Variants in CCDC93 observed in about 807,000 individuals in gnomAD.
CCDC93 encodes the protein coiled-coil domain-containing protein 93.
Under a neutral mutation model 108.2 loss-of-function variants are expected in CCDC93, and 61 were observed. The ratio of observed to expected loss-of-function variants is 0.56; its 90% CI spans 0.46 to 0.70. The LOEUF (loss-of-function observed/expected upper bound fraction) is 0.70, where lower values mean the gene tolerates loss of function less well. CCDC93 is among the 30% of genes least tolerant of loss of function. CCDC93 has a pLI of 0.00. For synonymous variants in CCDC93, 276 were observed against 260.4 expected (o/e 1.06, Z -0.58); for missense variants, 685 against 764.2 (o/e 0.90, Z 1.22).
chr2:118,013,499 G>C (rs932691853), intron 1 of CCDC93, among the ~76,000 whole-genome samples: 17 of 152,260 alleles, frequency 1.1e-4, no homozygotes, highest in African/African-American at 4.1e-4. Context: ...GGGACTCTGC[G>C]GGGTGGCGGT....
intron 5 of CCDC93, 55 bp from the exon 6 acceptor site, chr2:117,995,557 G>A (rs918293154): frequency 2.4e-6 from 3 of 1,261,450 alleles, no homozygotes; most frequent in Middle Eastern, 1.8e-4. Context: ...TAAAACTCAA[G>A]TGGACCACTC....
At chr2:117,995,409 C>A in intron 6 of CCDC93, 37 bp downstream of exon 6, 5 of 1,513,376 alleles carry the variant, frequency 3.3e-6, no homozygotes, top group Non-Finnish European at 4.6e-6. Flanking sequence ...TGAGGCTACG[C>A]AGGACTCTGA....
intron 6 of CCDC93, 98 bp downstream of exon 6, chr2:117,995,348 G>A (rs937532468): frequency 3.6e-5 from 34 of 951,148 alleles, no homozygotes; most frequent in Middle Eastern, 2.2e-4. Context: ...AGCGATCCCC[G>A]TAGATGGAAG....
chr2:117,935,873 A>G (rs1356362515), intron 21 of CCDC93: 1 of 262,918 alleles, frequency 3.8e-6, no homozygotes, highest in Non-Finnish European at 7.1e-6. Context: ...ATGTGACTAA[A>G]ATTAACAAAA....
intron 20 of CCDC93, 78 bp from the exon 21 acceptor site, chr2:117,936,817 C>G (rs2303333): frequency 0.34 from 378,170 of 1,103,098 alleles, 67,800 homozygotes; most frequent in African/African-American, 0.49. Context: ...TGCAAGCTTG[C>G]CTGTCTCCAC....
intron 23 of CCDC93, among the ~76,000 whole-genome samples, chr2:117,922,246 C>T (rs573213464): frequency 4.9e-4 from 74 of 152,222 alleles, no homozygotes; most frequent in African/African-American, 1.6e-3. Context: ...TTGTACTTTT[C>T]GGTAGAGACA....
intron 10 of CCDC93, among the ~76,000 whole-genome samples, chr2:117,974,450 A>G (rs1292957996): frequency 1.3e-5 from 2 of 152,200 alleles, no homozygotes; most frequent in Admixed American, 6.5e-5. Context: ...CACATTGGCT[A>G]TACCTTCTGG....
intron 22 of CCDC93, 137 bp downstream of exon 22, chr2:117,935,358 G>A: frequency 1.5e-6 from 1 of 649,368 alleles, no homozygotes; most frequent in Non-Finnish European, 2.7e-6. Flanking sequence ...CGCATGGTGG[G>A]AATACCTCTG....
At chr2:117,986,778 T>G (rs1416606478) in intron 6 of CCDC93, among the ~76,000 whole-genome samples, 1 of 152,194 alleles carries the variant, frequency 6.6e-6, no homozygotes. Context: ...GAGATGATGC[T>G]AAAGGTTGTT....
In CCDC93 at chr2:117,958,477, G is replaced by C. The variant is rs777649677; in HGVS notation, c.893C>G (p.Ser298Cys). The C allele has an allele frequency of 2.5e-6, 4 of 1,576,280 alleles. No individual in the cohort carries two copies. The highest frequency in any genetic ancestry group is 3.5e-6 in the Non-Finnish European group (4 of 1,145,604). Reference sequence around the variant, plus strand: ...TGGACTTTCTTCAGCTGATAGCTCAGACTGCTGTGGAAAAAAGGGATGGCA... The same window carrying C: ...TGGACTTTCTTCAGCTGATAGCTCACACTGCTGTGGAAAAAAGGGATGGCA... The part of the protein sequence containing the change: ...QIVSEYAEKQ[S>C]ELSAEESPEK... The change falls in exon 12 of 24, where the codon TCT becomes TGT. Residue 298 changes from serine (S) to cysteine (C), a missense_variant. Ser to Cys is a moderately radical substitution (Grantham distance 112). Coordinates refer to ENST00000376300, the MANE Select transcript of CCDC93 (RefSeq NM_019044.5).
chr2:117,963,429 T>C (rs1051520941), intron 11 of CCDC93, among the ~76,000 whole-genome samples: 1 of 152,204 alleles, frequency 6.6e-6, no homozygotes, highest in African/African-American at 2.4e-5. Flanking sequence ...AGTTTGTAAG[T>C]GAACTTCTAA....
chr2:117,955,329 C>G (rs1236702722), intron 12 of CCDC93, among the ~76,000 whole-genome samples: 1 of 152,058 alleles, frequency 6.6e-6, no homozygotes, highest in African/African-American at 2.4e-5. Context: ...GGATGCATCT[C>G]AGATGCCTTC....
At chr2:117,967,787 G>A (rs1017103232) in intron 11 of CCDC93, among the ~76,000 whole-genome samples, 7 of 152,116 alleles carry the variant, frequency 4.6e-5, no homozygotes, top group African/African-American at 1.7e-4. Context: ...GGCCCTTAGC[G>A]AGACTCTCAG....
chr2:118,005,253 A>C (rs1293866050), intron 3 of CCDC93, among the ~76,000 whole-genome samples: 1 of 152,212 alleles, frequency 6.6e-6, no homozygotes, highest in East Asian at 1.9e-4. Flanking sequence ...AAATGAAAAC[A>C]GGGCCTAACG....
intron 11 of CCDC93, among the ~76,000 whole-genome samples, chr2:117,968,260 C>G (rs116485857): frequency 0.012 from 1,837 of 152,320 alleles, 34 homozygotes; most frequent in East Asian, 0.055. Context: ...TGGCTCCTAT[C>G]AAGCTTAGGG....
chr2:117,961,313 T>C (rs1387794650), intron 11 of CCDC93, among the ~76,000 whole-genome samples: 1 of 152,226 alleles, frequency 6.6e-6, no homozygotes, highest in Admixed American at 6.5e-5. Flanking sequence ...CAAGGAAACA[T>C]GAGCTTTCAA....
intron 1 of CCDC93, 92 bp downstream of exon 1, chr2:118,013,862 A>T: frequency 2.6e-6 from 3 of 1,167,164 alleles, no homozygotes; most frequent in Non-Finnish European, 3.6e-6. Context: ...GGGCGCCCCT[A>T]ACGCACCCAG....
intron 3 of CCDC93, among the ~76,000 whole-genome samples, chr2:118,005,753 A>AG (rs1676848866): frequency 1.1e-3 from 1 of 912 alleles, no homozygotes; most frequent in Non-Finnish European, 0.011. Context: ...ACTCTGTCTC[A>AG]AAAAAAAAAA....
intron 12 of CCDC93, among the ~76,000 whole-genome samples, chr2:117,956,721 C>T (rs772974329): frequency 1.3e-5 from 2 of 152,098 alleles, no homozygotes; most frequent in Non-Finnish European, 2.9e-5. Context: ...TTCTTTGATC[C>T]AGAGCATTTA....
Sources: allele counts gnomAD v4.1 joint callset (sites outside exome capture counted in the v4.1 genomes callset), GRCh38; gene constraint gnomAD v4.1.1; transcripts MANE v1.5; gene names NCBI Gene and HGNC (gene_info 2026-07-23, HGNC 2026-07-21).